The following COL6A5 variants were observed in gnomAD, a reference collection of about 807,000 sequenced individuals.
COL6A5 encodes collagen alpha-5(VI) chain.
COL6A5 carries 48 observed loss-of-function variants against 65.6 expected under a neutral mutation model. That is an observed-to-expected ratio of 0.73 (90% confidence interval 0.58 to 0.93). COL6A5 has a LOEUF of 0.93. Among genes scored for constraint, COL6A5 ranks in the 40% least tolerant of loss-of-function variants. The pLI, the probability that COL6A5 is intolerant of heterozygous loss-of-function variation, is 0.00. For synonymous variants in COL6A5, 291 were observed against 322.8 expected (o/e 0.90, Z 1.05); for missense variants, 914 against 928.3 (o/e 0.98, Z 0.20).
Position 130,389,150 on chromosome 3 carries a change from A to G in COL6A5, c.2416+16A>G. 2.1e-6 allele frequency: 3 copies of G among 1,398,608 alleles called. No individual in the cohort carries two copies. The highest frequency in any genetic ancestry group is 6.0e-5 in the Admixed American group (2 of 33,468). The allele number at this position is 1,398,608 out of a possible 1,614,324, so 86.6% of individuals were successfully genotyped here. A position where few individuals can be genotyped will look rare whatever the true frequency, so the allele number is the denominator to read the frequency against. On this transcript the variant is annotated intron_variant and NMD_transcript_variant, in intron 6 of 41. Transcript: ENST00000312481. ...GCTCTCCATGGTAAGTGTCCCTGTT[A>G]TCTGTCAGGACTAAAGGATGTGAGC...
At chr3:130,396,835 A>G (rs1317455191) in intron 8 of COL6A5, among the ~76,000 whole-genome samples, 1 of 152,174 alleles carries the variant, frequency 6.6e-6, no homozygotes, top group Non-Finnish European at 1.5e-5. Flanking sequence ...AAATAATCTG[A>G]AAAGACAGCA....
At chr3:130,418,773 G>T in intron 24 of COL6A5, 96 bp from the exon 25 acceptor site, 1 of 938,098 alleles carries the variant, frequency 1.1e-6, no homozygotes. Flanking sequence ...CCCTCACTGA[G>T]AACCTTGAGT....
intron 8 of COL6A5, among the ~76,000 whole-genome samples, chr3:130,396,694 A>T (rs553566922): frequency 6.6e-6 from 1 of 152,340 alleles, no homozygotes; most frequent in Admixed American, 6.5e-5. Context: ...TCTCAGCTGG[A>T]ACTGAACAGT....
At chr3:130,423,751 T>TTAG in intron 28 of COL6A5, 87 bp from the exon 29 acceptor site, 1 of 942,964 alleles carries the variant, frequency 1.1e-6, no homozygotes, top group South Asian at 1.9e-5. Context: ...AAATTTTTTT[T>TTAG]AAAATTAGAA....
At chr3:130,374,143 C>T (rs1246109588) in intron 2 of COL6A5, among the ~76,000 whole-genome samples, 4 of 152,106 alleles carry the variant, frequency 2.6e-5, no homozygotes, top group Non-Finnish European at 4.4e-5. Context: ...CACAGTCATA[C>T]GTCACTTAAC....
intron 17 of COL6A5, among the ~76,000 whole-genome samples, chr3:130,407,264 G>A (rs1363069567): frequency 3.9e-5 from 6 of 152,164 alleles, no homozygotes; most frequent in Non-Finnish European, 8.8e-5. Flanking sequence ...ACAGGTACTG[G>A]GAGGTGAGGT....
At chr3:130,399,506 GACTACA>G (rs1936733891) in intron 10 of COL6A5, among the ~76,000 whole-genome samples, 1 of 151,686 alleles carries the variant, frequency 6.6e-6, no homozygotes, top group South Asian at 2.1e-4. Context: ...GAGTATCTGG[GACTACA>G]GGAGCCTGCC....
At chr3:130,439,524 T>A (rs1429064561) in exon 2 of COL6A5, 1 of 1,549,358 alleles carries the variant, frequency 6.5e-7, no homozygotes, top group Non-Finnish European at 8.7e-7. Context: ...CAATGCAGTT[T>A]GACAACACTG....
intron 5 of COL6A5, among the ~76,000 whole-genome samples, chr3:130,463,399 G>T (rs1018988551): frequency 1.3e-5 from 2 of 152,064 alleles, no homozygotes; most frequent in African/African-American, 4.8e-5. Flanking sequence ...CAGCATAGCA[G>T]CCTGACAGCA....
At chr3:130,447,952 T>A (rs1321166258) in intron 4 of COL6A5, among the ~76,000 whole-genome samples, 1 of 152,172 alleles carries the variant, frequency 6.6e-6, no homozygotes, top group African/African-American at 2.4e-5. Context: ...AATTTGTTTT[T>A]TGGATAGTGA....
At chr3:130,353,518 A>C (rs895745409) in intron 1 of COL6A5, among the ~76,000 whole-genome samples, 1 of 152,180 alleles carries the variant, frequency 6.6e-6, no homozygotes, top group African/African-American at 2.4e-5. Flanking sequence ...GGAAAATAAA[A>C]CTGTTACAAA....
chr3:130,459,221 A>T (rs1454559971), intron 5 of COL6A5, among the ~76,000 whole-genome samples: 1 of 152,112 alleles, frequency 6.6e-6, no homozygotes, highest in Non-Finnish European at 1.5e-5. Flanking sequence ...AAGAAATGAG[A>T]AGCAACACTT....
intron 4 of COL6A5, among the ~76,000 whole-genome samples, chr3:130,444,956 A>T (rs1260319922): frequency 6.6e-6 from 1 of 152,240 alleles, no homozygotes; most frequent in East Asian, 1.9e-4. Flanking sequence ...GAAGTATTCC[A>T]ATCACACTGC....
intron 7 of COL6A5, among the ~76,000 whole-genome samples, chr3:130,472,184 G>A (rs1459682002): frequency 6.6e-6 from 1 of 152,060 alleles, no homozygotes; most frequent in African/African-American, 2.4e-5. Flanking sequence ...GGAGGGGCAA[G>A]AACAAGGATA....
intron 4 of COL6A5, among the ~76,000 whole-genome samples, chr3:130,452,477 G>T (rs189221356): frequency 1.5e-3 from 228 of 152,276 alleles, no homozygotes; most frequent in African/African-American, 5.3e-3. Flanking sequence ...GGTAGGTTCC[G>T]TGATGCCCCA....
At chr3:130,368,627 G>C (rs969027763) in intron 1 of COL6A5, among the ~76,000 whole-genome samples, 2 of 152,030 alleles carry the variant, frequency 1.3e-5, no homozygotes, top group East Asian at 3.9e-4. Flanking sequence ...GTACAAGGCA[G>C]AATATGATAG....
chr3:130,395,404 A>G, exon 8 of COL6A5: 2 of 1,547,866 alleles, frequency 1.3e-6, no homozygotes, highest in Non-Finnish European at 1.7e-6. Context: ...TTGATAAATT[A>G]AAGAATGTGG....
chr3:130,428,083 G>A (rs192544042), upstream of COL6A5, among the ~76,000 whole-genome samples: 15 of 152,246 alleles, frequency 9.9e-5, no homozygotes, highest in East Asian at 2.9e-3. Context: ...GGGAGGTGAG[G>A]ACCAGCATTG....
chr3:130,425,611 C>T (rs1265143248), intron 29 of COL6A5, among the ~76,000 whole-genome samples: 1 of 152,136 alleles, frequency 6.6e-6, no homozygotes, highest in Non-Finnish European at 1.5e-5. Context: ...ATTCAACTCA[C>T]CAAAGTATTT....
Sources: allele counts gnomAD v4.1 joint callset (sites outside exome capture counted in the v4.1 genomes callset), GRCh38; gene constraint gnomAD v4.1.1; transcripts MANE v1.5; gene names NCBI Gene and HGNC (gene_info 2026-07-23, HGNC 2026-07-21).